The following CNTNAP3B variants were observed in gnomAD, a reference collection of about 807,000 sequenced individuals.
The protein encoded by CNTNAP3B is contactin-associated protein-like 3B.
A neutral mutation model predicts 108.9 loss-of-function variants in CNTNAP3B; 25 were observed. The observed-to-expected ratio is 0.23, with a 90% CI of 0.17 to 0.32. CNTNAP3B has a LOEUF of 0.32. Among genes scored for constraint, CNTNAP3B ranks in the 10% least tolerant of loss-of-function variants. CNTNAP3B has a pLI of 1.00. For missense variants in CNTNAP3B, 252 were observed against 1,210.4 expected (o/e 0.21, Z 11.75); for synonymous variants, 103 against 473.4 (o/e 0.22, Z 10.16).
chr9:41,928,692 G>A (rs1823889270), intron 15 of CNTNAP3B, among the ~76,000 whole-genome samples: 1 of 152,030 alleles, frequency 6.6e-6, no homozygotes, highest in South Asian at 2.1e-4. Flanking sequence ...GGCAATGTAT[G>A]ATGCTAGTGG....
rs1161258265 is a variant in CNTNAP3B, at chr9:42,079,850, G to A, written c.197-2788C>T. ...TATGGTTGTTTTAAAAGAGTTGGGA[G>A]AAGGTGAAGGAGATGCTAACAGCCA... On this transcript the variant is annotated intron_variant, in intron 2 of 23. Transcript: ENST00000377561. 2.9e-5 allele frequency among the ~76,000 whole-genome samples: 4 copies of A among 135,616 alleles called. 1 individual carries two copies. Among genetic ancestry groups the A allele is most frequent in the African/African-American group, 1.2e-4 (4 of 33,594 alleles). 89.0% of individuals were successfully genotyped at this position (135,616 alleles called of 152,430 possible).
intron 13 of CNTNAP3B, among the ~76,000 whole-genome samples, chr9:41,947,375 T>A (rs1196074544): frequency 2.0e-5 from 3 of 152,186 alleles, no homozygotes; most frequent in African/African-American, 7.2e-5. Context: ...AAAGAAAATC[T>A]CTAAACACTT....
At chr9:41,960,071 C>G (rs1423630942) in intron 12 of CNTNAP3B, 3 of 153,902 alleles carry the variant, frequency 1.9e-5, no homozygotes, top group African/African-American at 7.3e-5. Flanking sequence ...AATCTTGGCT[C>G]ACTGCAACCT....
chr9:41,925,127 A>T (rs1477343888), intron 15 of CNTNAP3B, among the ~76,000 whole-genome samples: 5 of 151,434 alleles, frequency 3.3e-5, no homozygotes, highest in African/African-American at 7.3e-5. Context: ...TGTATTTTTG[A>T]CACTTTAAGG....
chr9:41,942,873 C>T (rs1309025951), intron 13 of CNTNAP3B, among the ~76,000 whole-genome samples: 15,231 of 142,458 alleles, frequency 0.11, 39 homozygotes, highest in South Asian at 0.17. Context: ...AGCCTAACTA[C>T]TAACCAGATA....
rs1396284694 is a variant in CNTNAP3B at position 42,120,730 on chromosome 9, C to A, written c.85+8280G>T. ...AGCAAACTATTGCAAGGACAAAAAA[C>A]CAAACACCGCATGTTCTCACTCATA... is the stretch of plus-strand genomic sequence containing the variant. On this transcript the variant is annotated intron_variant, in intron 1 of 23. Coordinates refer to ENST00000377561, the MANE Select transcript of CNTNAP3B (RefSeq NM_001201380.3). Among the ~76,000 whole-genome samples the A allele has an allele frequency of 3.1e-5, 4 of 130,730 alleles. 1 individual carries two copies. Among genetic ancestry groups the A allele is most frequent in the African/African-American group, 6.3e-5 (2 of 31,670 alleles). 85.8% of individuals were successfully genotyped at this position (130,730 alleles called of 152,430 possible).
intron 14 of CNTNAP3B, among the ~76,000 whole-genome samples, chr9:41,933,953 T>G (rs1824058739): frequency 1.3e-5 from 2 of 150,738 alleles, no homozygotes; most frequent in African/African-American, 4.9e-5. Context: ...AAATAATTTT[T>G]CCTTGCTAAA....
intron 15 of CNTNAP3B, among the ~76,000 whole-genome samples, chr9:41,924,398 G>T (rs1337937219): frequency 6.6e-6 from 1 of 152,306 alleles, no homozygotes; most frequent in African/African-American, 2.4e-5. Flanking sequence ...TCACCTCAAA[G>T]GTACGACCAA....
At chr9:42,002,872 G>T (rs1224524591) in intron 4 of CNTNAP3B, among the ~76,000 whole-genome samples, 1 of 133,092 alleles carries the variant, frequency 7.5e-6, no homozygotes. Flanking sequence ...ATTTCCTTAC[G>T]CCATATTTTA....
At chr9:41,928,088 G>C (rs1655983956) in intron 15 of CNTNAP3B, among the ~76,000 whole-genome samples, 1 of 152,246 alleles carries the variant, frequency 6.6e-6, no homozygotes, top group African/African-American at 2.4e-5. Context: ...TTCTGGATAA[G>C]TTTTTGAAAT....
chr9:41,990,644 C>T (rs1219110413), intron 8 of CNTNAP3B, among the ~76,000 whole-genome samples: 2 of 133,486 alleles, frequency 1.5e-5, no homozygotes, highest in Non-Finnish European at 3.1e-5. Context: ...TTCGTCTGTG[C>T]CTTTTTCTTT....
intron 3 of CNTNAP3B, among the ~76,000 whole-genome samples, chr9:42,037,671 G>A (rs1364615584): frequency 1.5e-5 from 1 of 64,686 alleles, no homozygotes; most frequent in Non-Finnish European, 3.0e-5. Flanking sequence ...ACCTGAAAGT[G>A]ACAGGGAGAA....
chr9:42,117,477 T>C (rs575784328), intron 1 of CNTNAP3B, among the ~76,000 whole-genome samples: 7 of 140,786 alleles, frequency 5.0e-5, no homozygotes, highest in African/African-American at 1.1e-4. Context: ...TTGAAACCAA[T>C]GAGAACAAAC....
chr9:41,919,727 A>T (rs1473830452), intron 18 of CNTNAP3B, among the ~76,000 whole-genome samples: 2 of 152,260 alleles, frequency 1.3e-5, no homozygotes. Context: ...GTCTCTAAAA[A>T]TTAAAAACAA....
intron 14 of CNTNAP3B, among the ~76,000 whole-genome samples, chr9:41,933,863 C>T (rs998654243): frequency 5.9e-3 from 894 of 151,742 alleles, no homozygotes; most frequent in African/African-American, 0.021. Flanking sequence ...ATGACAATTC[C>T]GTAAAATTTG....
intron 12 of CNTNAP3B, among the ~76,000 whole-genome samples, chr9:41,958,042 G>A (rs71228299): frequency 6.7e-3 from 1,018 of 150,926 alleles, no homozygotes; most frequent in African/African-American, 0.023. Context: ...GATTACAGGC[G>A]TGAGCCACCG....
intron 3 of CNTNAP3B, among the ~76,000 whole-genome samples, chr9:42,051,661 G>T (rs1180681155): frequency 1.8e-5 from 2 of 112,406 alleles, no homozygotes; most frequent in African/African-American, 6.7e-5. Flanking sequence ...CTGAAGTAAT[G>T]AATTCATTCT....
At chr9:41,943,545 G>A (rs1368870958) in intron 13 of CNTNAP3B, among the ~76,000 whole-genome samples, 1 of 151,588 alleles carries the variant, frequency 6.6e-6, no homozygotes, top group Non-Finnish European at 1.5e-5. Context: ...GTAGAGACGT[G>A]GTTTCCCCGT....
chr9:41,934,245 G>A (rs1304189701), intron 14 of CNTNAP3B, among the ~76,000 whole-genome samples: 1 of 138,880 alleles, frequency 7.2e-6, no homozygotes, highest in African/African-American at 2.7e-5. Context: ...TTGAGACAGA[G>A]TCTTGGTCTG....
Sources: gnomAD v4.1 joint callset for allele counts (sites outside exome capture counted in the v4.1 genomes callset) on GRCh38, gnomAD v4.1.1 for gene constraint, MANE v1.5 for transcripts, NCBI Gene and HGNC (gene_info 2026-07-23, HGNC 2026-07-21) for gene names.